Variants in GUCY2C observed in about 807,000 individuals in gnomAD.
The protein encoded by GUCY2C is guanylyl cyclase C.
GUCY2C carries 118 observed loss-of-function variants against 131.1 expected under a neutral mutation model. That is an observed-to-expected ratio of 0.90 (90% CI 0.78 to 1.05). GUCY2C has a LOEUF of 1.05. Among genes scored for constraint, GUCY2C ranks in the 50% least tolerant of loss-of-function variants. GUCY2C has a pLI of 0.00. For synonymous variants in GUCY2C, 452 were observed against 457.8 expected (o/e 0.99, Z 0.16); for missense variants, 1,161 against 1,304.4 (o/e 0.89, Z 1.69).
intron 1 of GUCY2C, among the ~76,000 whole-genome samples, chr12:14,695,755 T>C (rs1378369640): frequency 6.6e-6 from 1 of 152,086 alleles, no homozygotes; most frequent in East Asian, 1.9e-4. Flanking sequence ...CTAGACCAAA[T>C]CTTACCTCTG....
At chr12:14,680,019 C>CA (rs1184887301) in intron 5 of GUCY2C, among the ~76,000 whole-genome samples, 12 of 151,940 alleles carry the variant, frequency 7.9e-5, no homozygotes, top group South Asian at 2.1e-4. Context: ...GCCAAGATGT[C>CA]AAAGGGTCAA....
intron 6 of GUCY2C, among the ~76,000 whole-genome samples, chr12:14,678,224 C>T (rs1314995961): frequency 2.6e-5 from 4 of 152,164 alleles, no homozygotes; most frequent in Non-Finnish European, 5.9e-5. Context: ...CATTTTAATT[C>T]TCATTTTACA....
intron 5 of GUCY2C, among the ~76,000 whole-genome samples, chr12:14,680,126 A>G (rs1333037304): frequency 1.3e-5 from 2 of 152,196 alleles, no homozygotes; most frequent in Non-Finnish European, 2.9e-5. Context: ...TGTCATAGAT[A>G]AGTGAAGTAT....
intron 1 of GUCY2C, among the ~76,000 whole-genome samples, chr12:14,689,720 C>A (rs1948541539): frequency 6.6e-6 from 1 of 152,156 alleles, no homozygotes. Flanking sequence ...GGCCTTTTAC[C>A]AGCTTAGTGA....
At chr12:14,619,538 G>A (rs949733969) in intron 23 of GUCY2C, among the ~76,000 whole-genome samples, 4 of 152,152 alleles carry the variant, frequency 2.6e-5, no homozygotes, top group East Asian at 1.9e-4. Context: ...CAAAGAAAAC[G>A]ACATTTGTAG....
intron 1 of GUCY2C, 38 bp downstream of exon 1, chr12:14,696,194 T>A (rs776591086): frequency 2.0e-6 from 3 of 1,503,808 alleles, no homozygotes; most frequent in Middle Eastern, 3.4e-4. Context: ...CCAGAGGTAG[T>A]AACAGAGTGG....
intron 12 of GUCY2C, among the ~76,000 whole-genome samples, chr12:14,653,376 T>G (rs1947704398): frequency 1.3e-5 from 2 of 152,206 alleles, no homozygotes; most frequent in Admixed American, 6.5e-5. Context: ...ACATTTGAGT[T>G]GCACACTCAT....
At chr12:14,636,304 A>G (rs911705869) in intron 19 of GUCY2C, among the ~76,000 whole-genome samples, 1 of 152,244 alleles carries the variant, frequency 6.6e-6, no homozygotes, top group Non-Finnish European at 1.5e-5. Flanking sequence ...GATTTAACAT[A>G]TGCAAATCAA....
chr12:14,681,225 C>A, intron 5 of GUCY2C, 131 bp downstream of exon 5: 2 of 770,928 alleles, frequency 2.6e-6, no homozygotes, highest in South Asian at 2.0e-5. Context: ...TATAGATCTC[C>A]CAAAATATAC....
intron 15 of GUCY2C, among the ~76,000 whole-genome samples, chr12:14,648,443 C>T (rs1324380793): frequency 6.6e-6 from 1 of 152,020 alleles, no homozygotes; most frequent in African/African-American, 2.4e-5. Flanking sequence ...TCTACAGAAA[C>T]CTCAACCTTC....
intron 7 of GUCY2C, 22 bp from the exon 8 acceptor site, chr12:14,674,782 T>A (rs777658593): frequency 6.4e-7 from 1 of 1,571,858 alleles, no homozygotes; most frequent in Non-Finnish European, 8.7e-7. Flanking sequence ...AGGAAAATAT[T>A]AAAACGGGTC....
intron 11 of GUCY2C, among the ~76,000 whole-genome samples, chr12:14,657,969 G>A (rs1233347227): frequency 1.3e-5 from 2 of 152,070 alleles, no homozygotes; most frequent in South Asian, 2.1e-4. Context: ...TCAACATTTG[G>A]TATTGATAAA....
At chr12:14,696,176 T>C in intron 1 of GUCY2C, 56 bp downstream of exon 1, 1 of 1,382,958 alleles carries the variant, frequency 7.2e-7, no homozygotes, top group South Asian at 1.2e-5. Flanking sequence ...CTTAGCAACA[T>C]TTTGTCCCCA....
chr12:14,683,381 AG>A (rs1948390682), intron 3 of GUCY2C, 124 bp from the exon 4 acceptor site: 1 of 650,168 alleles, frequency 1.5e-6, no homozygotes, highest in Non-Finnish European at 2.7e-6. Context: ...GGATCATTAA[AG>A]CAGGTTTCTC....
intron 17 of GUCY2C, 33 bp from the exon 18 acceptor site, chr12:14,641,252 AG>A (rs756938861): frequency 1.2e-6 from 2 of 1,609,650 alleles, no homozygotes; most frequent in African/African-American, 1.3e-5. Flanking sequence ...TACAAAGTTG[AG>A]GGGGGTGAGT....
intron 1 of GUCY2C, among the ~76,000 whole-genome samples, chr12:14,690,148 T>G (rs1565638051): frequency 6.6e-6 from 1 of 152,234 alleles, no homozygotes; most frequent in East Asian, 1.9e-4. Context: ...AGAGTTTTGT[T>G]TGGATTTCAC....
At chr12:14,620,972 T>A (rs1437191740) in intron 23 of GUCY2C, 70 bp downstream of exon 23, 1 of 1,242,384 alleles carries the variant, frequency 8.0e-7, no homozygotes, top group Non-Finnish European at 1.1e-6. Context: ...AGACCTTTTA[T>A]CCTTTCTGAT....
At chr12:14,630,663 C>T (rs1210449545) in intron 19 of GUCY2C, among the ~76,000 whole-genome samples, 2 of 152,094 alleles carry the variant, frequency 1.3e-5, no homozygotes, top group Non-Finnish European at 2.9e-5. Context: ...ATCCTTGAGC[C>T]GCTGTGGATT....
chr12:14,621,287 TCACATGTCAAA>T lies in GUCY2C; in HGVS notation c.2602-82_2602-72del, dbSNP rs377305830. On this transcript the variant is annotated intron_variant, in intron 22 of 26. Transcript: ENST00000261170. ...ATAGAAAGTAAACAGAAGCAGTTAATCACATGTCAAACACAAAAAGTGATTTGGGAACACAG... is the reference window on the plus strand; with the variant it reads ...ATAGAAAGTAAACAGAAGCAGTTAATCACAAAAAGTGATTTGGGAACACAG... 1,987 of 1,324,508 alleles carry T rather than the reference TCACATGTCAAA, an allele frequency of 1.5e-3. 30 individuals are homozygous for T. In the African/African-American group the frequency reaches 0.026, roughly 18 times the overall value. The allele number at this position is 1,324,508 out of a possible 1,614,324, so 82.0% of individuals were successfully genotyped here.
Sources: gnomAD v4.1 joint callset for allele counts (sites outside exome capture counted in the v4.1 genomes callset) on GRCh38, gnomAD v4.1.1 for gene constraint, MANE v1.5 for transcripts, NCBI Gene and HGNC (gene_info 2026-07-23, HGNC 2026-07-21) for gene names.